The following MACROD1 variants were observed in gnomAD, a reference collection of about 807,000 sequenced individuals.
MACROD1 encodes the protein ADP-ribose glycohydrolase MACROD1.
A neutral mutation model predicts 41.4 loss-of-function variants in MACROD1; 31 were observed. The observed-to-expected ratio is 0.75, with a 90% CI of 0.56 to 1.01. The LOEUF (loss-of-function observed/expected upper bound fraction) is 1.01. MACROD1 is among the 50% of genes least tolerant of loss of function. MACROD1 has a pLI of 0.00. For missense variants in MACROD1, 473 were observed against 460.0 expected (o/e 1.03, Z -0.26); for synonymous variants, 252 against 203.4 (o/e 1.24, Z -2.03).
At chr11:64,156,457 GAGGCCTTGCTGAAGTGTCT>G (rs1945670126) in intron 1 of MACROD1, among the ~76,000 whole-genome samples, 1 of 152,178 alleles carries the variant, frequency 6.6e-6, no homozygotes, top group African/African-American at 2.4e-5. Context: ...ACGGACCCCA[GAGGCCTTGCTGAAGTGTCT>G]CTGGCTGGGC....
intron 3 of MACROD1, among the ~76,000 whole-genome samples, chr11:64,026,689 C>T (rs1943227909): frequency 1.3e-5 from 2 of 152,178 alleles, no homozygotes; most frequent in South Asian, 4.1e-4. Context: ...TCCATGGAGG[C>T]ATGGCTGTAC....
At chr11:64,121,155 G>A (rs1945091594) in intron 3 of MACROD1, among the ~76,000 whole-genome samples, 1 of 152,142 alleles carries the variant, frequency 6.6e-6, no homozygotes, top group African/African-American at 2.4e-5. Context: ...CAAGGCCTGA[G>A]TGATGAGCTT....
chr11:64,011,173 T>C (rs1943010626), intron 4 of MACROD1, among the ~76,000 whole-genome samples: 1 of 148,060 alleles, frequency 6.8e-6, no homozygotes, highest in Admixed American at 6.7e-5. Flanking sequence ...CTGGTTGGCA[T>C]GTTGGTTGGG....
chr11:64,094,180 C>G (rs1944537237), intron 3 of MACROD1, among the ~76,000 whole-genome samples: 1 of 152,192 alleles, frequency 6.6e-6, no homozygotes, highest in South Asian at 2.1e-4. Flanking sequence ...CGCCTGTAAT[C>G]CCAGAACTTT....
chr11:64,084,383 C>T (rs1443064306), intron 3 of MACROD1, among the ~76,000 whole-genome samples: 5 of 152,156 alleles, frequency 3.3e-5, no homozygotes, highest in Admixed American at 3.3e-4. Context: ...ATTTCCTGCT[C>T]TGCCCCCGCT....
At position 64,019,880 on chromosome 11, in the gene MACROD1, G is replaced by A. The variant is rs1193308249; in HGVS notation, c.518-4599C>T. Among the ~76,000 whole-genome samples the A allele has an allele frequency of 2.6e-5, 4 of 152,124 alleles. No homozygotes were observed. The East Asian group carries it at 7.7e-4, about 29-fold the overall frequency. ...GAGCTGAGGCTTGAAGGATAAGAAG[G>A]AAAGGCATGGAGGGAGGGGCACGGG... On this transcript the variant is annotated intron_variant, in intron 3 of 10. Transcript: ENST00000255681.
chr11:64,155,450 G>A (rs1305210993), intron 1 of MACROD1, among the ~76,000 whole-genome samples: 1 of 152,218 alleles, frequency 6.6e-6, no homozygotes, highest in Non-Finnish European at 1.5e-5. Context: ...ACCATGCTCA[G>A]TTTGAAGCCT....
At position 64,041,576 on chromosome 11, in the gene MACROD1, C is replaced by T. The variant is rs150631038; in HGVS notation, c.518-26295G>A. Reference sequence around the variant, plus strand: ...AGGTGGGGCTTCGTGTAGGGCAGAGCGAGTGAACAGATGAATGAATGGAAA... The same window carrying T: ...AGGTGGGGCTTCGTGTAGGGCAGAGTGAGTGAACAGATGAATGAATGGAAA... On this transcript the variant is annotated intron_variant, in intron 3 of 10. Coordinates refer to ENST00000255681, the MANE Select transcript of MACROD1 (RefSeq NM_014067.4). 8.6e-5 allele frequency among the ~76,000 whole-genome samples: 13 copies of T among 151,366 alleles called. No individual in the cohort carries two copies. The East Asian group carries it at 2.1e-3, about 25-fold the overall frequency.
At chr11:64,128,495 C>T (rs1403876898) in intron 3 of MACROD1, among the ~76,000 whole-genome samples, 4 of 152,036 alleles carry the variant, frequency 2.6e-5, no homozygotes, top group Admixed American at 1.3e-4. Context: ...CCACAGAGGA[C>T]GCTTCCACGG....
At chr11:64,139,446 C>T (rs948490736) in intron 3 of MACROD1, among the ~76,000 whole-genome samples, 2 of 152,184 alleles carry the variant, frequency 1.3e-5, no homozygotes, top group South Asian at 2.1e-4. Context: ...CATGCTCGGG[C>T]TGCCCCCACC....
At chr11:64,140,528 G>C (rs1406598626) in intron 3 of MACROD1, among the ~76,000 whole-genome samples, 2 of 152,234 alleles carry the variant, frequency 1.3e-5, no homozygotes, top group Non-Finnish European at 1.5e-5. Context: ...GCTGGGTGCA[G>C]GGCAGGTGCT....
intron 3 of MACROD1, among the ~76,000 whole-genome samples, chr11:64,125,698 A>T (rs1211685675): frequency 6.6e-6 from 1 of 152,206 alleles, no homozygotes; most frequent in Non-Finnish European, 1.5e-5. Flanking sequence ...ACTCTGAGAG[A>T]TCCGGTGGCT....
intron 3 of MACROD1, among the ~76,000 whole-genome samples, chr11:64,030,479 A>G (rs962485810): frequency 4.6e-5 from 7 of 152,138 alleles, no homozygotes; most frequent in Non-Finnish European, 7.3e-5. Context: ...CTGTGCCCTC[A>G]AGGTGCCGAC....
chr11:64,130,662 C>T (rs1370737941), intron 3 of MACROD1, among the ~76,000 whole-genome samples: 1 of 152,136 alleles, frequency 6.6e-6, no homozygotes, highest in Non-Finnish European at 1.5e-5. Context: ...TCAGGCACCC[C>T]AAATAAGGCA....
chr11:64,113,317 G>C (rs922108750), intron 3 of MACROD1, among the ~76,000 whole-genome samples: 1 of 152,236 alleles, frequency 6.6e-6, no homozygotes, highest in African/African-American at 2.4e-5. Context: ...CTACAACAGG[G>C]CCTGGAATAT....
At chr11:64,061,829 A>T (rs1943909579) in intron 3 of MACROD1, among the ~76,000 whole-genome samples, 1 of 145,996 alleles carries the variant, frequency 6.8e-6, no homozygotes, top group Non-Finnish European at 1.5e-5. Flanking sequence ...CTCCCACCTC[A>T]GCCTCCCAAG....
intron 4 of MACROD1, among the ~76,000 whole-genome samples, chr11:64,011,157 A>G (rs1459866133): frequency 3.1e-5 from 3 of 98,198 alleles, no homozygotes; most frequent in Admixed American, 1.2e-4. Context: ...TTGGGGTGTT[A>G]GGATGCTGGT....
rs535672804 is a variant in MACROD1, at chr11:64,090,515, G to A, written c.517+60724C>T. 1.1e-4 allele frequency among the ~76,000 whole-genome samples: 17 copies of A among 152,204 alleles called. No individual in the cohort carries two copies. In the South Asian group the frequency reaches 2.5e-3, roughly 22 times the overall value. The stretch of plus-strand genomic sequence containing the variant: ...GCCAAATAACCACATTTGCTTCCCC[G>A]GGCCCTCCCTCGACCGGCTCTGCCT... On this transcript the variant is annotated intron_variant, in intron 3 of 10. Coordinates refer to ENST00000255681, the MANE Select transcript of MACROD1 (RefSeq NM_014067.4). This position sits in a 1 kb window ranked among gnomAD's most constrained non-coding sequence, Gnocchi z 4.7.
intron 3 of MACROD1, among the ~76,000 whole-genome samples, chr11:64,124,347 T>C (rs1025917985): frequency 6.6e-6 from 1 of 152,262 alleles, no homozygotes; most frequent in Non-Finnish European, 1.5e-5. Flanking sequence ...ATGCTGCTGC[T>C]GCTGCCACTG....
Sources: allele counts gnomAD v4.1 joint callset (sites outside exome capture counted in the v4.1 genomes callset), GRCh38; gene constraint gnomAD v4.1.1; non-coding constraint Gnocchi (gnomAD v3.1); transcripts MANE v1.5; gene names NCBI Gene and HGNC (gene_info 2026-07-23, HGNC 2026-07-21).